JAKMIP1: variants seen among roughly 807,000 people sequenced by gnomAD.
JAKMIP1 encodes the protein janus kinase and microtubule-interacting protein 1.
In JAKMIP1, 33 loss-of-function variants were observed where a neutral mutation model predicts 113.0. The ratio of observed to expected loss-of-function variants is 0.29; its 90% confidence interval spans 0.22 to 0.39. The LOEUF is 0.39. JAKMIP1 is among the 10% of genes least tolerant of loss of function. The pLI, the probability that JAKMIP1 is intolerant of heterozygous loss-of-function variation, is 1.00. For missense variants in JAKMIP1, 813 were observed against 1,080.5 expected (o/e 0.75, Z 3.47); for synonymous variants, 480 against 459.9 (o/e 1.04, Z -0.56).
intron 3 of JAKMIP1, among the ~76,000 whole-genome samples, chr4:6,095,467 C>A (rs1187746969): frequency 6.6e-6 from 1 of 152,212 alleles, no homozygotes; most frequent in African/African-American, 2.4e-5. Context: ...CCCTGCCAAC[C>A]TGTCACCTGC....
In JAKMIP1 at chr4:6,085,142, T is replaced by G. The variant is rs553412439; in HGVS notation, c.835-177A>C. Among the ~76,000 whole-genome samples, 8 of 151,930 alleles carry G rather than the reference T, an allele frequency of 5.3e-5. No individual in the cohort carries two copies. The South Asian group carries it at 1.7e-3, about 32-fold the overall frequency. On this transcript the variant is annotated intron_variant, in intron 4 of 20. Transcript: ENST00000409021. ...AGCCCACTGCACACCTGCGGAAGACTCCATCTAGACGGCCACTGAGACTTC... is the reference window on the plus strand; with the variant it reads ...AGCCCACTGCACACCTGCGGAAGACGCCATCTAGACGGCCACTGAGACTTC...
intron 19 of JAKMIP1, among the ~76,000 whole-genome samples, chr4:6,032,354 G>C (rs6819647): frequency 0.35 from 53,585 of 152,020 alleles, 10,030 homozygotes; most frequent in African/African-American, 0.43. Context: ...TCTCTCATCA[G>C]AGTGTGGGAG....
At chr4:6,053,894 G>C in intron 13 of JAKMIP1, 156 bp downstream of exon 13, 1 of 1,522,756 alleles carries the variant, frequency 6.6e-7, no homozygotes, top group Non-Finnish European at 8.8e-7. Context: ...TGAACATACA[G>C]ATTTAAAAAA....
At chr4:6,110,897 G>A (rs115686660) in intron 2 of JAKMIP1, among the ~76,000 whole-genome samples, 1,755 of 151,896 alleles carry the variant, frequency 0.012, 29 homozygotes, top group African/African-American at 0.041. Flanking sequence ...CCCCCAGCCA[G>A]TCAGCCCCAG....
rs1178472389 is a variant in JAKMIP1, at chr4:6,143,199, T to C, written c.-147-30202A>G. ...AACCCACGCACAGCACCTTGCACAG[T>C]GCCTGGTGCGTGGTAGAGTTTGCAG... On this transcript the variant is annotated intron_variant, in intron 1 of 20. Coordinates refer to ENST00000409021, the MANE Select transcript of JAKMIP1 (RefSeq NM_001099433.2). The surrounding 1 kb of genome is among the most constrained non-coding windows in gnomAD (Gnocchi z 4.9). 1.3e-5 allele frequency among the ~76,000 whole-genome samples: 2 copies of C among 152,238 alleles called. No individual in the cohort carries two copies. The highest frequency in any genetic ancestry group is 2.9e-5 in the Non-Finnish European group (2 of 68,044).
At chr4:6,109,124 CTTTT>C (rs71173408) in intron 2 of JAKMIP1, among the ~76,000 whole-genome samples, 2 of 96,858 alleles carry the variant, frequency 2.1e-5, no homozygotes, top group Admixed American at 1.1e-4. Flanking sequence ...CCTGGGGCAC[CTTTT>C]TTTTTTTTTT....
chr4:6,110,061 G>A (rs1046979999), intron 2 of JAKMIP1, among the ~76,000 whole-genome samples: 6 of 152,168 alleles, frequency 3.9e-5, no homozygotes, highest in African/African-American at 1.4e-4. Context: ...CATGGGCCTG[G>A]CTTTCAATCC....
chr4:6,140,265 T>TC lies in JAKMIP1; in HGVS notation c.-147-27269_-147-27268insG, dbSNP rs2108958880. ...CTTTTTTCCTCTTTTTTTTTTTTTT[T>TC]TCTGTGGGGAGGGACTTTCACCAAC... On this transcript the variant is annotated intron_variant, in intron 1 of 20. Coordinates refer to ENST00000409021, the MANE Select transcript of JAKMIP1 (RefSeq NM_001099433.2). The surrounding 1 kb of genome is among the most constrained non-coding windows in gnomAD (Gnocchi z 9.4). Among the ~76,000 whole-genome samples, 1 of 151,904 alleles carries TC rather than the reference T, an allele frequency of 6.6e-6. No individual in the cohort carries two copies. The highest frequency in any genetic ancestry group is 2.4e-5 in the African/African-American group (1 of 41,388).
chr4:6,160,683 C>G (rs1578419660), intron 1 of JAKMIP1, among the ~76,000 whole-genome samples: 2 of 152,118 alleles, frequency 1.3e-5, no homozygotes, highest in African/African-American at 2.4e-5. Context: ...TCCTGTGTCC[C>G]CAACAGGCCA....
rs1227392281 is a variant in JAKMIP1, at chr4:6,155,366, A to C, written c.-147-42369T>G. Among the ~76,000 whole-genome samples the C allele has an allele frequency of 6.6e-6, 1 of 152,170 alleles. No homozygotes were observed. The highest frequency in any genetic ancestry group is 1.5e-5 in the Non-Finnish European group (1 of 68,038). On this transcript the variant is annotated intron_variant, in intron 1 of 20. Coordinates refer to ENST00000409021, the MANE Select transcript of JAKMIP1 (RefSeq NM_001099433.2). This position sits in a 1 kb window ranked among gnomAD's most constrained non-coding sequence, Gnocchi z 6.1. ...GCGTCAGCTCTGCTCCAAGCACTTT[A>C]TATTTAACCCTCAAGAGAACCCTAA...
chr4:6,071,797 G>A (rs542276334), intron 8 of JAKMIP1, among the ~76,000 whole-genome samples: 42 of 152,244 alleles, frequency 2.8e-4, no homozygotes, highest in African/African-American at 5.1e-4. Context: ...CACAGCCCCC[G>A]TCTCTTCATA....
chr4:6,061,812 G>A lies in JAKMIP1; in HGVS notation c.1560+500C>T, dbSNP rs1338124349. Among the ~76,000 whole-genome samples, 1 of 152,178 alleles carries A rather than the reference G, an allele frequency of 6.6e-6. No homozygotes were observed. Among genetic ancestry groups the A allele is most frequent in the African/African-American group, 2.4e-5 (1 of 41,438 alleles). On this transcript the variant is annotated intron_variant, in intron 10 of 20. Transcript: ENST00000409021. This position sits in a 1 kb window ranked among gnomAD's most constrained non-coding sequence, Gnocchi z 5.3. Reference sequence around the variant, plus strand: ...CCCGAAGGTGGGAGAAGGGCCAGTGGATGGAAGTTTCCAGAAGGCAGAGCT... The same window carrying A: ...CCCGAAGGTGGGAGAAGGGCCAGTGAATGGAAGTTTCCAGAAGGCAGAGCT...
chr4:6,187,453 T>C lies in JAKMIP1; in HGVS notation c.-148+12800A>G, dbSNP rs2109052453. On this transcript the variant is annotated intron_variant, in intron 1 of 20. Coordinates refer to ENST00000409021, the MANE Select transcript of JAKMIP1 (RefSeq NM_001099433.2). The surrounding 1 kb of genome is among the most constrained non-coding windows in gnomAD (Gnocchi z 4.2). ...TGTACCCCCAGAATTCATATGTTTC[T>C]AGTCACCAGTATGATAGCATTAGAA... Among the ~76,000 whole-genome samples, 1 of 152,362 alleles carries C rather than the reference T, an allele frequency of 6.6e-6. No homozygotes were observed. The highest frequency in any genetic ancestry group is 2.4e-5 in the African/African-American group (1 of 41,594).
At position 6,106,009 on chromosome 4, in the gene JAKMIP1, A is replaced by T; in HGVS notation, c.130-42T>A. Reference sequence around the variant, plus strand: ...GAGAGAGCCGGTCAGGGTCAGGGTCAGGGTCAGGGTCAGGGTCAGGGTCAC... The same window carrying T: ...GAGAGAGCCGGTCAGGGTCAGGGTCTGGGTCAGGGTCAGGGTCAGGGTCAC... On this transcript the variant is annotated intron_variant, in intron 2 of 20. Transcript: ENST00000409021. This position sits in a 1 kb window ranked among gnomAD's most constrained non-coding sequence, Gnocchi z 5.9. 8.3e-7 allele frequency: 1 copy of T among 1,205,080 alleles called. No individual in the cohort carries two copies. The highest frequency in any genetic ancestry group is 1.4e-5 in the South Asian group (1 of 69,566). The allele number at this position is 1,205,080 out of a possible 1,614,324, so 74.6% of individuals were successfully genotyped here. A position where few individuals can be genotyped will look rare whatever the true frequency, so the allele number is the denominator to read the frequency against.
At position 6,105,892 on chromosome 4, in the gene JAKMIP1, T is replaced by C. The variant is rs762323924; in HGVS notation, c.205A>G (p.Ile69Val). The change falls in exon 3 of 21, where the codon ATT becomes GTT. Residue 69 changes from isoleucine (I) to valine (V), a missense_variant. By Grantham distance (29) the Ile-to-Val change is conservative (BLOSUM62 3). Coordinates refer to ENST00000409021, the MANE Select transcript of JAKMIP1 (RefSeq NM_001099433.2). ...TGCAGCTTGGCCTTGAGCTCCGAAATGTAGGCCGTGTGCCGTCGCTGCTCC... is the reference window on the plus strand; with the variant it reads ...TGCAGCTTGGCCTTGAGCTCCGAAACGTAGGCCGTGTGCCGTCGCTGCTCC... ...EQEQRRHTAY[I>V]SELKAKLHEE... 3.5e-5 allele frequency: 56 copies of C among 1,612,006 alleles called. No individual in the cohort carries two copies. Among genetic ancestry groups the C allele is most frequent in the Non-Finnish European group, 4.7e-5 (56 of 1,179,786 alleles).
rs926902465 is a variant in JAKMIP1, at chr4:6,083,271, C to T, written c.955-1516G>A. Among the ~76,000 whole-genome samples, 17 of 151,874 alleles carry T rather than the reference C, an allele frequency of 1.1e-4. No individual in the cohort carries two copies. In the East Asian group the frequency reaches 2.1e-3, roughly 19 times the overall value. On this transcript the variant is annotated intron_variant, in intron 5 of 20. Coordinates refer to ENST00000409021, the MANE Select transcript of JAKMIP1 (RefSeq NM_001099433.2). ...TACAAAAATTAGCCGGGTGTGTTGG[C>T]GGGTGCCTGTAATCCTAGCTACTTG...
rs1205457168 is a variant in JAKMIP1, at chr4:6,085,412, C to T, written c.834+8G>A. 1 of 1,611,076 alleles carries T rather than the reference C, an allele frequency of 6.2e-7. No individual in the cohort carries two copies. The highest frequency in any genetic ancestry group is 2.2e-5 in the East Asian group (1 of 44,876). ...AGCCTGAGGCTGGCACAAGCTGCTG[C>T]CCCTCACCTGGACGCCCATGAGCTC... On this transcript the variant is annotated splice_region_variant and intron_variant, in intron 4 of 20. Transcript: ENST00000409021.
chr4:6,190,609 C>T (rs1355129224), intron 1 of JAKMIP1, among the ~76,000 whole-genome samples: 8 of 152,206 alleles, frequency 5.3e-5, no homozygotes, highest in Non-Finnish European at 1.2e-4. Context: ...CCCCGCCTCC[C>T]ACCCCCAACC....
chr4:6,098,425 C>G (rs1712211363), intron 3 of JAKMIP1, among the ~76,000 whole-genome samples: 1 of 146,252 alleles, frequency 6.8e-6, no homozygotes, highest in African/African-American at 2.6e-5. Flanking sequence ...AAGAGTGAAA[C>G]TTCATCTGAA....
Sources: allele counts gnomAD v4.1 joint callset (sites outside exome capture counted in the v4.1 genomes callset), GRCh38; gene constraint gnomAD v4.1.1; non-coding constraint Gnocchi (gnomAD v3.1); transcripts MANE v1.5; gene names NCBI Gene and HGNC (gene_info 2026-07-23, HGNC 2026-07-21).